KATNBL1: variants seen among roughly 807,000 people sequenced by gnomAD.
The protein encoded by KATNBL1 is katanin regulatory subunit B1 like 1.
A neutral mutation model predicts 44.7 loss-of-function variants in KATNBL1; 28 were observed. The ratio of observed to expected loss-of-function variants is 0.63; its 90% CI spans 0.46 to 0.86. KATNBL1 has a LOEUF of 0.86. KATNBL1 is among the 40% of genes least tolerant of loss of function. The pLI is 0.00. For synonymous variants in KATNBL1, 78 were observed against 114.9 expected, an observed-to-expected ratio of 0.68 and a Z score of 2.06; for missense variants, 272 against 350.7, an observed-to-expected ratio of 0.78 and a Z score of 1.79.
rs1368146169 is a variant in KATNBL1, at chr15:34,141,674, C to T, written c.*665G>A. ...CAGAGAGTGTTTCAAGAACACTCTACAAGAATGTAAACCCCTGATTTAATT... is the reference window on the plus strand; with the variant it reads ...CAGAGAGTGTTTCAAGAACACTCTATAAGAATGTAAACCCCTGATTTAATT... On this transcript the variant is annotated 3_prime_UTR_variant, in exon 10 of 10. Coordinates refer to ENST00000256544, the MANE Select transcript of KATNBL1 (RefSeq NM_024713.3). The T allele has an allele frequency of 1.3e-5, 2 of 152,544 alleles. No homozygotes were observed. The highest frequency in any genetic ancestry group is 1.5e-5 in the Non-Finnish European group (1 of 67,996). 9.4% of individuals were successfully genotyped at this position (152,544 alleles called of 1,614,324 possible). A position where few individuals can be genotyped will look rare whatever the true frequency, so the allele number is the denominator to read the frequency against.
intron 4 of KATNBL1, among the ~76,000 whole-genome samples, chr15:34,150,918 G>A (rs1277659953): frequency 1.3e-5 from 2 of 152,096 alleles, no homozygotes; most frequent in Admixed American, 6.5e-5. Flanking sequence ...AGGTTCACTC[G>A]TGATTGCAAA....
intron 1 of KATNBL1, among the ~76,000 whole-genome samples, chr15:34,194,024 G>A (rs914801670): frequency 2.0e-5 from 3 of 151,724 alleles, no homozygotes; most frequent in Admixed American, 6.6e-5. Flanking sequence ...TCACCACAAC[G>A]TCCGCCTCCT....
At chr15:34,181,256 A>C (rs16958848) in intron 1 of KATNBL1, among the ~76,000 whole-genome samples, 50,231 of 151,866 alleles carry the variant, frequency 0.33, 8,805 homozygotes, top group African/African-American at 0.47. Flanking sequence ...CACAATTTTA[A>C]TCCATGATTC....
At chr15:34,199,197 G>A (rs1438234055) in intron 1 of KATNBL1, among the ~76,000 whole-genome samples, 1 of 152,218 alleles carries the variant, frequency 6.6e-6, no homozygotes, top group Non-Finnish European at 1.5e-5. Flanking sequence ...CCAGCACTTT[G>A]GGAGGCTGAC....
chr15:34,143,304 G>A (rs935004092), intron 9 of KATNBL1, among the ~76,000 whole-genome samples: 1 of 151,720 alleles, frequency 6.6e-6, no homozygotes, highest in African/African-American at 2.4e-5. Context: ...GTGAAATCCC[G>A]TCTCCACTAA....
intron 1 of KATNBL1, chr15:34,209,561 G>T (rs1397471628): frequency 1.3e-5 from 2 of 152,294 alleles, no homozygotes; most frequent in East Asian, 3.9e-4. Context: ...GAAATGCCTG[G>T]GCCGGGCCTA....
At chr15:34,159,562 A>G (rs910113215) in intron 2 of KATNBL1, among the ~76,000 whole-genome samples, 2 of 152,182 alleles carry the variant, frequency 1.3e-5, no homozygotes, top group Non-Finnish European at 2.9e-5. Context: ...TTTTAAAGGA[A>G]TAGGGTGTTG....
At chr15:34,193,851 CAAAAAAAAAAAAA>C (rs58951561) in intron 1 of KATNBL1, among the ~76,000 whole-genome samples, 12 of 63,552 alleles carry the variant, frequency 1.9e-4, no homozygotes, top group Admixed American at 1.0e-3. Flanking sequence ...GGCCCTGTCT[CAAAAAAAAAAAAA>C]AAAAAAAAAA....
intron 1 of KATNBL1, among the ~76,000 whole-genome samples, chr15:34,197,944 C>T (rs1369600702): frequency 1.3e-5 from 2 of 152,062 alleles, no homozygotes; most frequent in Non-Finnish European, 2.9e-5. Flanking sequence ...GACAGGGTTT[C>T]ACCATGTTAG....
intron 2 of KATNBL1, among the ~76,000 whole-genome samples, chr15:34,156,168 C>T (rs905314467): frequency 2.0e-5 from 3 of 152,112 alleles, no homozygotes; most frequent in Non-Finnish European, 4.4e-5. Flanking sequence ...TTAAGCTCAC[C>T]GCATCCTTTT....
chr15:34,183,359 G>A (rs946774379), intron 1 of KATNBL1, among the ~76,000 whole-genome samples: 1 of 152,092 alleles, frequency 6.6e-6, no homozygotes, highest in Admixed American at 6.6e-5. Context: ...CCAGCTCTCT[G>A]GAAAGCTTTC....
At chr15:34,184,435 G>C (rs567846260) in intron 1 of KATNBL1, among the ~76,000 whole-genome samples, 1 of 149,748 alleles carries the variant, frequency 6.7e-6, no homozygotes, top group African/African-American at 2.5e-5. Flanking sequence ...ACAGTGAACC[G>C]AGATTGCGCC....
intron 1 of KATNBL1, among the ~76,000 whole-genome samples, chr15:34,197,738 A>G (rs1890063003): frequency 6.6e-6 from 1 of 152,144 alleles, no homozygotes; most frequent in Admixed American, 6.6e-5. Context: ...CTTTTAAATA[A>G]AAGAATGAGG....
At chr15:34,165,995 C>G (rs113749471) in intron 1 of KATNBL1, 1 of 152,226 alleles carries the variant, frequency 6.6e-6, no homozygotes, top group African/African-American at 2.4e-5. Context: ...GGAACAGCTC[C>G]GGTCTGCAGC....
intron 1 of KATNBL1, among the ~76,000 whole-genome samples, chr15:34,165,003 G>T (rs1218890947): frequency 6.6e-6 from 1 of 152,190 alleles, no homozygotes; most frequent in Non-Finnish European, 1.5e-5. Context: ...TTCAGCGAAA[G>T]ATTTCTTACA....
intron 1 of KATNBL1, among the ~76,000 whole-genome samples, chr15:34,187,608 A>G (rs1306536963): frequency 6.6e-6 from 1 of 152,170 alleles, no homozygotes; most frequent in African/African-American, 2.4e-5. Context: ...AGCAGGACCA[A>G]GCCACCTGTA....
intron 1 of KATNBL1, among the ~76,000 whole-genome samples, chr15:34,200,358 T>C (rs755253222): frequency 2.0e-5 from 3 of 151,876 alleles, no homozygotes; most frequent in Admixed American, 6.6e-5. Context: ...ATTCAAGAGA[T>C]TCTCGTGCCT....
chr15:34,206,476 C>T (rs1267610563), intron 1 of KATNBL1, among the ~76,000 whole-genome samples: 1 of 152,138 alleles, frequency 6.6e-6, no homozygotes, highest in Admixed American at 6.5e-5. Context: ...ATAGTAAACA[C>T]AGCATTTGAA....
intron 2 of KATNBL1, among the ~76,000 whole-genome samples, chr15:34,159,852 A>G (rs1181451149): frequency 1.3e-5 from 2 of 152,184 alleles, no homozygotes; most frequent in African/African-American, 4.8e-5. Flanking sequence ...GTCTCCTCTA[A>G]GAGTTTTGCT....
Sources: gnomAD v4.1 joint callset for allele counts (sites outside exome capture counted in the v4.1 genomes callset) on GRCh38, gnomAD v4.1.1 for gene constraint, MANE v1.5 for transcripts, NCBI Gene and HGNC (gene_info 2026-07-23, HGNC 2026-07-21) for gene names.